LRP1B: variants seen among roughly 807,000 people sequenced by gnomAD.
LRP1B encodes LDL receptor related protein 1B.
In LRP1B, 217 loss-of-function variants were observed where a neutral mutation model predicts 556.6. The ratio of observed to expected loss-of-function variants is 0.39; its 90% CI spans 0.35 to 0.44. The LOEUF (loss-of-function observed/expected upper bound fraction) is 0.44. Ranked by LOEUF, LRP1B falls within the 20% of genes least tolerant of loss-of-function variation. The pLI is 1.00. For synonymous variants in LRP1B, 2,047 were observed against 1,865.8 expected (o/e 1.10, Z -2.50); for missense variants, 5,053 against 5,620.8 (o/e 0.90, Z 3.23).
chr2:141,386,951 T>C (rs747474889), intron 3 of LRP1B, among the ~76,000 whole-genome samples: 4 of 152,026 alleles, frequency 2.6e-5, no homozygotes, highest in Non-Finnish European at 5.9e-5. Flanking sequence ...TAGTATGTAA[T>C]GCCAAAAAGC....
intron 84 of LRP1B, among the ~76,000 whole-genome samples, chr2:140,284,099 T>G (rs568141535): frequency 1.3e-5 from 2 of 151,706 alleles, no homozygotes; most frequent in South Asian, 4.1e-4. Context: ...CTAATTTCTC[T>G]ATCAAGACAC....
In LRP1B at chr2:140,534,135, T is replaced by C. The variant is rs780208885; in HGVS notation, c.7648A>G (p.Arg2550Gly). Residue 2550 changes from arginine (R) to glycine (G), a missense_variant, in exon 47 of 91, where the codon AGA becomes GGA. This residue lies in a region of LRP1B where 3,619 missense variants were observed against 3,931.9 expected (regional missense o/e 0.92). Transcript: ENST00000389484. ...SDEKLLYCEN[R>G]SCRRGFKPCY... ...GGCTTGAAGCCTCTTCGACAGCTTCTGTTTTCTTATAAATAAAAGTAGAAA... is the reference window on the plus strand; with the variant it reads ...GGCTTGAAGCCTCTTCGACAGCTTCCGTTTTCTTATAAATAAAAGTAGAAA... The C allele has an allele frequency of 6.2e-7, 1 of 1,610,548 alleles. No homozygotes were observed. The highest frequency in any genetic ancestry group is 8.5e-7 in the Non-Finnish European group (1 of 1,178,510).
chr2:141,872,732 A>C (rs10439188), intron 1 of LRP1B, among the ~76,000 whole-genome samples: 26,142 of 151,842 alleles, frequency 0.17, 2,288 homozygotes, highest in South Asian at 0.19. Flanking sequence ...TTGGCAAAAT[A>C]AGCAAATCAT....
chr2:140,341,541 A>G (rs1432737468), intron 77 of LRP1B, among the ~76,000 whole-genome samples: 1 of 151,494 alleles, frequency 6.6e-6, no homozygotes. Context: ...TAATATAAGT[A>G]GTGTCTTTTT....
chr2:140,384,115 A>C (rs974834169), intron 67 of LRP1B, among the ~76,000 whole-genome samples: 2 of 152,160 alleles, frequency 1.3e-5, no homozygotes, highest in Non-Finnish European at 2.9e-5. Context: ...AACTTCTCAC[A>C]TAGATTCAAC....
chr2:141,704,255 C>T (rs763508239), intron 2 of LRP1B, among the ~76,000 whole-genome samples: 22 of 151,764 alleles, frequency 1.4e-4, no homozygotes, highest in Non-Finnish European at 2.5e-4. Context: ...ACTTCTTTTC[C>T]GTTTCATTTA....
chr2:141,636,659 G>A (rs1278251510), intron 2 of LRP1B, among the ~76,000 whole-genome samples: 1 of 151,946 alleles, frequency 6.6e-6, no homozygotes, highest in East Asian at 1.9e-4. Context: ...CATTTAAGTG[G>A]TAAAACATGT....
intron 3 of LRP1B, among the ~76,000 whole-genome samples, chr2:141,393,716 T>A (rs7565413): frequency 0.91 from 138,982 of 152,146 alleles, 64,290 homozygotes; most frequent in East Asian, 1. Context: ...GGAAGACAAG[T>A]TGTACAGAAA....
rs969699976 is a variant in LRP1B, at chr2:141,698,736, GA to G, written c.205+111542del. Among the ~76,000 whole-genome samples, 577 of 141,222 alleles carry G rather than the reference GA, an allele frequency of 4.1e-3. 1 individual carries two copies. Among genetic ancestry groups the G allele is most frequent in the Non-Finnish European group, 5.7e-3 (364 of 64,290 alleles). 92.6% of individuals were successfully genotyped at this position (141,222 alleles called of 152,430 possible). On this transcript the variant is annotated intron_variant, in intron 2 of 90. Transcript: ENST00000389484. ...ATGTTTGTGAAGAAATTTCAGAACG[GA>G]AAAAAAAAAAGAGCTTAGGGCATTA...
intron 3 of LRP1B, among the ~76,000 whole-genome samples, chr2:141,373,132 C>T (rs754255361): frequency 3.9e-5 from 6 of 151,982 alleles, no homozygotes; most frequent in Non-Finnish European, 8.8e-5. Flanking sequence ...TGTTTAATTT[C>T]CATGTATTTG....
chr2:141,510,230 ACACACC>A (rs1178612771), intron 2 of LRP1B, among the ~76,000 whole-genome samples: 33 of 150,326 alleles, frequency 2.2e-4, no homozygotes, highest in African/African-American at 4.2e-4. Context: ...ACACACACAC[ACACACC>A]CCCCACAGTC....
At chr2:140,541,225 A>G in intron 44 of LRP1B, 127 bp from the exon 45 acceptor site, 1 of 810,734 alleles carries the variant, frequency 1.2e-6, no homozygotes. Flanking sequence ...AGGAACATTC[A>G]GGATTTTTGA....
At position 140,669,580 on chromosome 2, in the gene LRP1B, T is replaced by A. The variant is rs925944101; in HGVS notation, c.6799+30670A>T. Reference sequence around the variant, plus strand: ...TTTTCGATTAACATTCCATAACTAATCATGATGTCTTTACCATGTGCTAGA... The same window carrying A: ...TTTTCGATTAACATTCCATAACTAAACATGATGTCTTTACCATGTGCTAGA... On this transcript the variant is annotated intron_variant, in intron 41 of 90. Transcript: ENST00000389484. Among the ~76,000 whole-genome samples the A allele has an allele frequency of 1.6e-4, 25 of 152,272 alleles. 1 individual carries two copies. The highest frequency in any genetic ancestry group is 1.3e-3 in the Admixed American group (20 of 15,294).
intron 2 of LRP1B, among the ~76,000 whole-genome samples, chr2:141,724,465 C>T (rs900744059): frequency 2.6e-5 from 4 of 151,748 alleles, no homozygotes; most frequent in Non-Finnish European, 4.4e-5. Context: ...TTCATTTCTT[C>T]GTAATGCTAT....
At chr2:140,883,629 T>C (rs1477484359) in intron 25 of LRP1B, among the ~76,000 whole-genome samples, 188 bp downstream of exon 25, 1 of 151,138 alleles carries the variant, frequency 6.6e-6, no homozygotes, top group East Asian at 1.9e-4. Context: ...AAACTTGTGG[T>C]AATAAACTAG....
chr2:140,487,607 A>G lies in LRP1B; in HGVS notation c.9243+10T>C, dbSNP rs1688522051. ...TATTCAACAATCCCATCATTGTAATATTTAGTTACCTTAATGTCACTTCCA... is the reference window on the plus strand; with the variant it reads ...TATTCAACAATCCCATCATTGTAATGTTTAGTTACCTTAATGTCACTTCCA... On this transcript the variant is annotated intron_variant, in intron 58 of 90. Transcript: ENST00000389484. The G allele has an allele frequency of 1.2e-6, 2 of 1,604,294 alleles. No homozygotes were observed. The highest frequency in any genetic ancestry group is 1.7e-6 in the Non-Finnish European group (2 of 1,173,246).
chr2:140,633,927 T>C (rs1038985586), intron 41 of LRP1B, among the ~76,000 whole-genome samples: 2 of 152,070 alleles, frequency 1.3e-5, no homozygotes, highest in Non-Finnish European at 2.9e-5. Flanking sequence ...GTGAAGAAAA[T>C]ACTGCTTCCT....
intron 31 of LRP1B, among the ~76,000 whole-genome samples, chr2:140,815,846 A>G (rs1002873427): frequency 6.8e-6 from 1 of 147,158 alleles, no homozygotes; most frequent in Non-Finnish European, 1.5e-5. Flanking sequence ...GGGGCTTCAC[A>G]GAGGGAAGAA....
intron 3 of LRP1B, among the ~76,000 whole-genome samples, chr2:141,309,479 A>G (rs1194324886): frequency 2.6e-5 from 4 of 152,212 alleles, no homozygotes; most frequent in Non-Finnish European, 4.4e-5. Context: ...GTAAGGCCCT[A>G]GGGAAGATAT....
Sources: allele counts gnomAD v4.1 joint callset (sites outside exome capture counted in the v4.1 genomes callset), GRCh38; gene constraint gnomAD v4.1.1; regional missense constraint gnomAD v4.1.1; transcripts MANE v1.5; gene names NCBI Gene and HGNC (gene_info 2026-07-23, HGNC 2026-07-21).